NCKAP5: variants seen among roughly 807,000 people sequenced by gnomAD.
NCKAP5 encodes NCK associated protein 5, also known as nck-associated protein 5.
Under a neutral mutation model 167.0 loss-of-function variants are expected in NCKAP5, and 92 were observed. The ratio of observed to expected loss-of-function variants is 0.55; its 90% confidence interval spans 0.47 to 0.66. The LOEUF (loss-of-function observed/expected upper bound fraction) is 0.66. Among genes scored for constraint, NCKAP5 ranks in the 30% least tolerant of loss-of-function variants. NCKAP5 has a pLI of 0.00. For missense variants in NCKAP5, 2,378 were observed against 2,315.0 expected (o/e 1.03, Z -0.56); for synonymous variants, 891 against 877.4 (o/e 1.02, Z -0.27).
At chr2:133,433,702 G>C (rs1200619282) in intron 3 of NCKAP5, 5 of 152,172 alleles carry the variant, frequency 3.3e-5, no homozygotes, top group Non-Finnish European at 7.3e-5. Context: ...TATCTGTCTG[G>C]ATAGAAAAGT....
At chr2:133,128,947 T>A (rs1179600263) in intron 6 of NCKAP5, among the ~76,000 whole-genome samples, 4 of 15,814 alleles carry the variant, frequency 2.5e-4, no homozygotes, top group Admixed American at 6.5e-4. Context: ...ACTCACTGAT[T>A]TTTTTTTTTT....
the NCKAP5 span, among the ~76,000 whole-genome samples, chr2:133,671,931 T>C: frequency 6.6e-6 from 1 of 152,218 alleles, no homozygotes; most frequent in Non-Finnish European, 1.5e-5. Flanking sequence ...AAAATTCCTT[T>C]CTGCTTAAAC....
rs1375161024 is a variant in NCKAP5, at chr2:132,897,608, A to T, written c.580-18692T>A. 2.0e-5 allele frequency among the ~76,000 whole-genome samples: 3 copies of T among 152,322 alleles called. No individual in the cohort carries two copies. In the East Asian group the frequency reaches 5.8e-4, roughly 29 times the overall value. Reference sequence around the variant, plus strand: ...CCTGGCCTCTACCCACTATCTACAGACATACCTTGGGGAGAGACATCATGA... The same window carrying T: ...CCTGGCCTCTACCCACTATCTACAGTCATACCTTGGGGAGAGACATCATGA... On this transcript the variant is annotated intron_variant, in intron 8 of 19. Transcript: ENST00000409261.
At chr2:133,342,816 GACAGATTTC>G (rs887560633) in intron 3 of NCKAP5, among the ~76,000 whole-genome samples, 1 of 152,194 alleles carries the variant, frequency 6.6e-6, no homozygotes, top group African/African-American at 2.4e-5. Context: ...GGGACTTCTT[GACAGATTTC>G]ACAGTGTTGT....
chr2:133,337,427 C>A (rs893389809), intron 3 of NCKAP5, among the ~76,000 whole-genome samples: 2 of 152,196 alleles, frequency 1.3e-5, no homozygotes, highest in Admixed American at 6.5e-5. Flanking sequence ...GAGTTCTAAT[C>A]AGACTGACAT....
chr2:133,662,042 T>A, the NCKAP5 span, among the ~76,000 whole-genome samples: 24 of 152,190 alleles, frequency 1.6e-4, no homozygotes, highest in African/African-American at 5.8e-4. Flanking sequence ...TTGAGCAGTG[T>A]GCTTAACCTG....
At chr2:132,762,082 G>A (rs62177014) in intron 16 of NCKAP5, among the ~76,000 whole-genome samples, 6,639 of 152,240 alleles carry the variant, frequency 0.044, 201 homozygotes, top group Middle Eastern at 0.12. Flanking sequence ...CTCCATCCTC[G>A]TCACGCTGCT....
At chr2:133,523,266 A>C (rs1684620213) in intron 2 of NCKAP5, among the ~76,000 whole-genome samples, 1 of 151,758 alleles carries the variant, frequency 6.6e-6, no homozygotes, top group Non-Finnish European at 1.5e-5. Context: ...CATTGAATAA[A>C]ATCTCAAAGG....
intron 16 of NCKAP5, among the ~76,000 whole-genome samples, chr2:132,767,491 C>T (rs1681608572): frequency 6.6e-6 from 1 of 152,118 alleles, no homozygotes; most frequent in African/African-American, 2.4e-5. Context: ...GGTTATCCAC[C>T]CGCCTTGGCC....
At chr2:133,095,080 G>C (rs1055053556) in intron 6 of NCKAP5, among the ~76,000 whole-genome samples, 25 of 152,146 alleles carry the variant, frequency 1.6e-4, no homozygotes, top group African/African-American at 5.3e-4. Context: ...CCTAAGAAGA[G>C]AACCCAGGTG....
intron 4 of NCKAP5, among the ~76,000 whole-genome samples, chr2:133,223,041 A>G (rs1326138609): frequency 2.0e-5 from 3 of 152,164 alleles, no homozygotes; most frequent in Non-Finnish European, 4.4e-5. Flanking sequence ...AATTCCAAAT[A>G]CTATAAATCC....
chr2:133,210,019 G>T (rs1445636490), intron 5 of NCKAP5, among the ~76,000 whole-genome samples: 5 of 151,754 alleles, frequency 3.3e-5, no homozygotes, highest in Non-Finnish European at 4.4e-5. Flanking sequence ...ACAAAAATGA[G>T]CTGGGTGTGG....
intron 8 of NCKAP5, among the ~76,000 whole-genome samples, chr2:132,914,096 T>C (rs552930859): frequency 9.8e-5 from 15 of 152,292 alleles, no homozygotes; most frequent in African/African-American, 3.6e-4. Context: ...CATCAATTTC[T>C]ACACATAAAA....
At chr2:133,625,861 G>A in the NCKAP5 span, among the ~76,000 whole-genome samples, 2 of 131,826 alleles carry the variant, frequency 1.5e-5, no homozygotes, top group Admixed American at 8.0e-5. Flanking sequence ...GATGGAGCGA[G>A]ACTTGTCTCA....
At chr2:133,605,661 T>C in the NCKAP5 span, among the ~76,000 whole-genome samples, 1 of 152,212 alleles carries the variant, frequency 6.6e-6, no homozygotes, top group Non-Finnish European at 1.5e-5. Context: ...ATAGGGTATA[T>C]CAACATAAAT....
intron 5 of NCKAP5, among the ~76,000 whole-genome samples, chr2:133,158,421 G>T (rs985026915): frequency 6.6e-6 from 1 of 152,132 alleles, no homozygotes; most frequent in Non-Finnish European, 1.5e-5. Flanking sequence ...TCAGAATGGA[G>T]GCTGCACCTT....
intron 8 of NCKAP5, among the ~76,000 whole-genome samples, chr2:132,927,247 C>T (rs554931673): frequency 6.6e-6 from 1 of 152,052 alleles, no homozygotes; most frequent in Non-Finnish European, 1.5e-5. Context: ...TATAGAAGTG[C>T]CATGCTGTAT....
rs1383775335 is a variant in NCKAP5, at chr2:133,441,555, T to C, written c.69+75903A>G. Reference sequence around the variant, plus strand: ...GTCTAGGTACAAATTGCCCATGTAATCACACATCTGTGAATTTGCAGAGTT... The same window carrying C: ...GTCTAGGTACAAATTGCCCATGTAACCACACATCTGTGAATTTGCAGAGTT... On this transcript the variant is annotated intron_variant, in intron 3 of 19. Coordinates refer to ENST00000409261, the MANE Select transcript of NCKAP5 (RefSeq NM_207363.3). Among the ~76,000 whole-genome samples the C allele has an allele frequency of 5.3e-5, 8 of 152,210 alleles. No homozygotes were observed. In the East Asian group the frequency reaches 1.5e-3, roughly 29 times the overall value.
At chr2:133,083,376 A>T (rs538174565) in intron 6 of NCKAP5, among the ~76,000 whole-genome samples, 3 of 152,244 alleles carry the variant, frequency 2.0e-5, no homozygotes, top group Non-Finnish European at 4.4e-5. Context: ...TATGGACAGC[A>T]ATGGAACTGG....
Sources: allele counts gnomAD v4.1 joint callset (sites outside exome capture counted in the v4.1 genomes callset), GRCh38; gene constraint gnomAD v4.1.1; transcripts MANE v1.5; gene names NCBI Gene and HGNC (gene_info 2026-07-23, HGNC 2026-07-21).